Variants in PCDH15 observed in about 807,000 individuals in gnomAD.
PCDH15 encodes protocadherin-15.
In PCDH15, 129 loss-of-function variants were observed where a neutral mutation model predicts 178.5. The ratio of observed to expected loss-of-function variants is 0.72; its 90% confidence interval spans 0.63 to 0.84. The LOEUF (loss-of-function observed/expected upper bound fraction) is 0.84. Ranked by LOEUF, PCDH15 falls within the 40% of genes least tolerant of loss-of-function variation. The pLI is 0.00. For synonymous variants in PCDH15, 800 were observed against 732.0 expected, an observed-to-expected ratio of 1.09 and a Z score of -1.50; for missense variants, 2,230 against 2,099.9, an observed-to-expected ratio of 1.06 and a Z score of -1.21.
intron 2 of PCDH15, among the ~76,000 whole-genome samples, chr10:55,071,567 C>G (rs1337396864): frequency 1.3e-5 from 2 of 152,090 alleles, no homozygotes; most frequent in Non-Finnish European, 2.9e-5. Flanking sequence ...TATATATGCA[C>G]CCAATACAGG....
intron 1 of PCDH15, among the ~76,000 whole-genome samples, chr10:55,297,383 G>A (rs186820120): frequency 6.6e-6 from 1 of 152,122 alleles, no homozygotes. Context: ...GTTTAAATCA[G>A]TCTTAATTGA....
chr10:54,118,381 C>A (rs1274814942), intron 15 of PCDH15, among the ~76,000 whole-genome samples: 4 of 152,174 alleles, frequency 2.6e-5, no homozygotes, highest in Admixed American at 6.5e-5. Flanking sequence ...AGTAACCCGG[C>A]TGGGTGTGGT....
chr10:55,566,881 G>A (rs541526021), intron 2 of PCDH15, among the ~76,000 whole-genome samples: 2 of 151,760 alleles, frequency 1.3e-5, no homozygotes, highest in South Asian at 2.1e-4. Context: ...TAGACTTAAC[G>A]CAATCCCTAT....
intron 2 of PCDH15, among the ~76,000 whole-genome samples, chr10:55,596,179 A>G (rs994155059): frequency 1.3e-5 from 2 of 152,166 alleles, no homozygotes; most frequent in Non-Finnish European, 2.9e-5. Flanking sequence ...CACAGCAAAA[A>G]TAATAAAATT....
rs541796318 is a variant in PCDH15, at chr10:55,586,845, CCTT to C, written c.-156+40777_-156+40779del. The stretch of plus-strand genomic sequence containing the variant: ...TTATACCTCAATAATTATCTGCTCT[CCTT>C]CTATTTTTATTTGCAATAGAAGTGT... On this transcript the variant is annotated intron_variant, in intron 2 of 5. Coordinates refer to the PCDH15 transcript ENST00000613346. Among the ~76,000 whole-genome samples the C allele has an allele frequency of 2.1e-3, 324 of 152,176 alleles. 1 individual carries two copies. The highest frequency in any genetic ancestry group is 7.5e-3 in the African/African-American group (313 of 41,546).
At chr10:53,874,127 A>AT (rs976366871) in intron 26 of PCDH15, among the ~76,000 whole-genome samples, 8 of 152,026 alleles carry the variant, frequency 5.3e-5, no homozygotes, top group African/African-American at 1.2e-4. Flanking sequence ...TTCATTTAGA[A>AT]TTTTTTTGTT....
intron 8 of PCDH15, among the ~76,000 whole-genome samples, chr10:54,289,213 G>T (rs1005111409): frequency 4.6e-5 from 7 of 152,170 alleles, no homozygotes; most frequent in African/African-American, 1.4e-4. Context: ...CTCCACTGGT[G>T]ATACCTAGGC....
intron 2 of PCDH15, among the ~76,000 whole-genome samples, chr10:55,351,330 G>C (rs2083745931): frequency 6.6e-6 from 1 of 151,728 alleles, no homozygotes; most frequent in Non-Finnish European, 1.5e-5. Context: ...AAAAAAATAA[G>C]TGTTGTATTA....
intron 3 of PCDH15, among the ~76,000 whole-genome samples, chr10:54,407,499 CAATTT>C (rs942699714): frequency 8.6e-5 from 13 of 151,966 alleles, no homozygotes; most frequent in African/African-American, 1.4e-4. Context: ...TTATGGCATT[CAATTT>C]ATTCTGTATA....
At chr10:53,931,191 T>C (rs902304556) in intron 25 of PCDH15, among the ~76,000 whole-genome samples, 11 of 152,172 alleles carry the variant, frequency 7.2e-5, no homozygotes, top group Non-Finnish European at 1.6e-4. Flanking sequence ...CCTAAGCACA[T>C]TCCCATGATT....
intron 20 of PCDH15, among the ~76,000 whole-genome samples, chr10:54,003,206 A>G (rs779550943): frequency 6.6e-6 from 1 of 152,202 alleles, no homozygotes; most frequent in Non-Finnish European, 1.5e-5. Flanking sequence ...AAAACTAGAA[A>G]AGCAAGAGCA....
chr10:54,119,327 A>G (rs866177724), intron 15 of PCDH15, among the ~76,000 whole-genome samples: 266 of 152,246 alleles, frequency 1.7e-3, no homozygotes, highest in Non-Finnish European at 2.8e-3. Flanking sequence ...AATCAAAAAA[A>G]CTCTTGAAAA....
intron 2 of PCDH15, among the ~76,000 whole-genome samples, chr10:55,112,791 A>T (rs1335469977): frequency 6.6e-6 from 1 of 152,218 alleles, no homozygotes; most frequent in African/African-American, 2.4e-5. Flanking sequence ...TAACTAAGCA[A>T]CACACTTATC....
rs142866273 is a variant in PCDH15 at position 54,553,338 on chromosome 10, G to A, written c.92-25461C>T. On this transcript the variant is annotated intron_variant, in intron 2 of 37. Transcript: ENST00000644397. ...CTTGAGAGACTCTGCAACTGTGATGGTGGGGTCTAGGTATTGATATTGTGT... is the reference window on the plus strand; with the variant it reads ...CTTGAGAGACTCTGCAACTGTGATGATGGGGTCTAGGTATTGATATTGTGT... Among the ~76,000 whole-genome samples the A allele has an allele frequency of 2.2e-4, 34 of 152,170 alleles. No homozygotes were observed. In the East Asian group the frequency reaches 6.1e-3, roughly 27 times the overall value.
At chr10:55,442,439 T>C (rs1839209378) in intron 2 of PCDH15, among the ~76,000 whole-genome samples, 1 of 131,032 alleles carries the variant, frequency 7.6e-6, no homozygotes, top group African/African-American at 2.9e-5. Flanking sequence ...TAGAAATAGA[T>C]GTTTTCTTAA....
chr10:55,403,091 G>A (rs1182847759), intron 2 of PCDH15, among the ~76,000 whole-genome samples: 1 of 151,888 alleles, frequency 6.6e-6, no homozygotes, highest in African/African-American at 2.4e-5. Flanking sequence ...ACTGTTAACG[G>A]ATTGAATGTC....
intron 2 of PCDH15, among the ~76,000 whole-genome samples, chr10:54,629,470 C>T (rs1349370555): frequency 6.6e-6 from 1 of 152,084 alleles, no homozygotes. Flanking sequence ...TGATTCACCT[C>T]ATACACAAAA....
intron 3 of PCDH15, among the ~76,000 whole-genome samples, chr10:54,834,416 T>C (rs1953278001): frequency 6.6e-6 from 1 of 151,914 alleles, no homozygotes; most frequent in African/African-American, 2.4e-5. Context: ...TGACCTCAGG[T>C]GATTCGCCCG....
intron 28 of PCDH15, among the ~76,000 whole-genome samples, 187 bp from the exon 29 acceptor site, chr10:53,840,683 T>C (rs2077589500): frequency 1.3e-5 from 2 of 152,234 alleles, no homozygotes; most frequent in Admixed American, 1.3e-4. Flanking sequence ...CTCCCAATGA[T>C]GCTAGAAGCT....
Sources: allele counts gnomAD v4.1 joint callset (sites outside exome capture counted in the v4.1 genomes callset), GRCh38; gene constraint gnomAD v4.1.1; transcripts MANE v1.5; gene names NCBI Gene and HGNC (gene_info 2026-07-23, HGNC 2026-07-21).